The following MERTK variants were observed in gnomAD, a reference collection of about 807,000 sequenced individuals.
The protein encoded by MERTK is tyrosine-protein kinase Mer.
MERTK carries 69 observed loss-of-function variants against 99.3 expected under a neutral mutation model. The observed-to-expected ratio is 0.70, with a 90% CI of 0.57 to 0.85. MERTK has a LOEUF of 0.85. MERTK is among the 40% of genes least tolerant of loss of function. MERTK has a pLI of 0.00. For missense variants in MERTK, 1,125 were observed against 1,249.4 expected, an observed-to-expected ratio of 0.90 and a Z score of 1.50; for synonymous variants, 426 against 467.6, an observed-to-expected ratio of 0.91 and a Z score of 1.15.
At chr2:111,948,209 G>A (rs907946447) in intron 4 of MERTK, among the ~76,000 whole-genome samples, 3 of 152,108 alleles carry the variant, frequency 2.0e-5, no homozygotes, top group Admixed American at 2.0e-4. Context: ...CTTTCTCCAG[G>A]GACTGCTGTA....
chr2:112,005,921 G>A (rs931217712), intron 13 of MERTK, among the ~76,000 whole-genome samples: 2 of 152,010 alleles, frequency 1.3e-5, no homozygotes, highest in Non-Finnish European at 2.9e-5. Context: ...TTGCTCTGTC[G>A]CCCAGGCTGG....
intron 8 of MERTK, among the ~76,000 whole-genome samples, chr2:111,986,269 C>G (rs765667223): frequency 6.6e-6 from 1 of 152,214 alleles, no homozygotes; most frequent in Admixed American, 6.5e-5. Flanking sequence ...GGCATTTGTG[C>G]GAGGTGCCTC....
At chr2:111,970,792 TCCTCCTCCCC>T (rs1238697570) in intron 6 of MERTK, among the ~76,000 whole-genome samples, 13 of 16,098 alleles carry the variant, frequency 8.1e-4, no homozygotes, top group African/African-American at 2.4e-3. Context: ...TCCTCCCTCC[TCCTCCTCCCC>T]CCTCCTCCTC....
intron 2 of MERTK, among the ~76,000 whole-genome samples, chr2:111,933,589 G>A (rs546167874): frequency 1.5e-4 from 23 of 152,214 alleles, no homozygotes; most frequent in East Asian, 7.7e-4. Flanking sequence ...AGAAATTCCC[G>A]TAAGAATAGG....
chr2:111,927,891 T>C (rs949935643), intron 1 of MERTK, among the ~76,000 whole-genome samples: 1 of 152,114 alleles, frequency 6.6e-6, no homozygotes, highest in Non-Finnish European at 1.5e-5. Flanking sequence ...CAACCCATAA[T>C]GTAGACTGCT....
intron 1 of MERTK, among the ~76,000 whole-genome samples, chr2:111,905,184 A>G (rs1684114603): frequency 6.6e-6 from 1 of 152,090 alleles, no homozygotes; most frequent in Non-Finnish European, 1.5e-5. Flanking sequence ...ATTCTTAGCC[A>G]CAGGAAGGGA....
chr2:111,961,351 C>T (rs890940304), intron 4 of MERTK, among the ~76,000 whole-genome samples: 1 of 151,656 alleles, frequency 6.6e-6, no homozygotes, highest in Admixed American at 6.6e-5. Flanking sequence ...TTAGTAGAGA[C>T]AGCGTTTCAC....
chr2:111,996,758 T>G (rs1343209158), intron 9 of MERTK, among the ~76,000 whole-genome samples: 1 of 152,158 alleles, frequency 6.6e-6, no homozygotes, highest in African/African-American at 2.4e-5. Context: ...TTTACAACAT[T>G]GAAAGAACAA....
intron 2 of MERTK, among the ~76,000 whole-genome samples, chr2:111,935,059 T>C (rs898245244): frequency 5.5e-4 from 84 of 152,264 alleles, no homozygotes; most frequent in African/African-American, 1.9e-3. Flanking sequence ...AGGACTGTGA[T>C]AAAGTCATTT....
intron 4 of MERTK, among the ~76,000 whole-genome samples, chr2:111,961,857 A>C (rs1685257846): frequency 6.6e-6 from 1 of 152,252 alleles, no homozygotes; most frequent in South Asian, 2.1e-4. Flanking sequence ...TGTAGTGACC[A>C]CTTGGCTGCA....
chr2:112,014,311 G>A lies in MERTK; in HGVS notation c.2079+4245G>A, dbSNP rs373138960. Among the ~76,000 whole-genome samples, 34 of 152,144 alleles carry A rather than the reference G, an allele frequency of 2.2e-4. No individual in the cohort carries two copies. In the East Asian group the frequency reaches 2.5e-3, roughly 11 times the overall value. ...GCTGGGATTACAGGCATGAGCCACCGTGCCCGGCCATGCCTGGCTAATTTT... is the reference window on the plus strand; with the variant it reads ...GCTGGGATTACAGGCATGAGCCACCATGCCCGGCCATGCCTGGCTAATTTT... On this transcript the variant is annotated intron_variant, in intron 15 of 18. Transcript: ENST00000295408.
intron 8 of MERTK, among the ~76,000 whole-genome samples, chr2:111,991,851 A>G (rs975322794): frequency 6.6e-6 from 1 of 152,188 alleles, no homozygotes; most frequent in Non-Finnish European, 1.5e-5. Context: ...TAAAACAACA[A>G]GCATATCTTT....
chr2:111,906,592 G>C (rs1416704130), intron 1 of MERTK, among the ~76,000 whole-genome samples: 2 of 152,234 alleles, frequency 1.3e-5, no homozygotes, highest in Non-Finnish European at 2.9e-5. Context: ...CAAGTGTTGT[G>C]TGTGCCTGGA....
rs369020787 is a variant in MERTK, at chr2:111,900,480, T to G, written c.61+1684T>G. 1.3e-4 allele frequency among the ~76,000 whole-genome samples: 20 copies of G among 152,324 alleles called. No homozygotes were observed. The South Asian group carries it at 3.9e-3, about 30-fold the overall frequency. On this transcript the variant is annotated intron_variant, in intron 1 of 18. Transcript: ENST00000295408. ...ACTAGTGAGGACTGGCCGTGAATAG[T>G]CTTGGAGGTAGTGAATGTGGTGAGA... is the stretch of plus-strand genomic sequence containing the variant.
chr2:112,000,712 T>A (rs1676850863), intron 10 of MERTK, among the ~76,000 whole-genome samples: 1 of 152,106 alleles, frequency 6.6e-6, no homozygotes, highest in South Asian at 2.1e-4. Context: ...AGTTATTTTT[T>A]CTCCCTTTCC....
At chr2:111,973,467 AC>A (rs1210329736) in intron 6 of MERTK, among the ~76,000 whole-genome samples, 1 of 151,942 alleles carries the variant, frequency 6.6e-6, no homozygotes. Flanking sequence ...CAACCCCCAC[AC>A]CGTACTCCTG....
chr2:111,998,583 G>GA (rs1676800447), intron 10 of MERTK, among the ~76,000 whole-genome samples: 1 of 152,280 alleles, frequency 6.6e-6, no homozygotes, highest in South Asian at 2.1e-4. Flanking sequence ...GAATGTGTCA[G>GA]AAAAATTTGG....
intron 1 of MERTK, among the ~76,000 whole-genome samples, chr2:111,906,700 A>G (rs1437066727): frequency 1.8e-4 from 28 of 152,360 alleles, no homozygotes; most frequent in African/African-American, 6.7e-4. Flanking sequence ...ACATGATTTG[A>G]AGATTTGGTG....
intron 6 of MERTK, among the ~76,000 whole-genome samples, 193 bp from the exon 7 acceptor site, chr2:111,975,096 G>T (rs1281664412): frequency 6.6e-6 from 1 of 152,190 alleles, no homozygotes; most frequent in Admixed American, 6.5e-5. Context: ...TTCCTCAGGT[G>T]TTCAGTTATT....
Sources: gnomAD v4.1 joint callset for allele counts (sites outside exome capture counted in the v4.1 genomes callset) on GRCh38, gnomAD v4.1.1 for gene constraint, MANE v1.5 for transcripts, NCBI Gene and HGNC (gene_info 2026-07-23, HGNC 2026-07-21) for gene names.